LY86: variants seen among roughly 807,000 people sequenced by gnomAD.
LY86 encodes the protein MD-1, RP105-associated.
A neutral mutation model predicts 17.3 loss-of-function variants in LY86; 20 were observed. The ratio of observed to expected loss-of-function variants is 1.15; its 90% CI spans 0.81 to 1.68. The LOEUF (loss-of-function observed/expected upper bound fraction) is 1.68. LY86 is among the 40% of genes most tolerant of loss of function. The pLI, the probability that LY86 is intolerant of heterozygous loss-of-function variation, is 0.00. For synonymous variants in LY86, 74 were observed against 70.6 expected, an observed-to-expected ratio of 1.05 and a Z score of -0.24; for missense variants, 200 against 191.9, an observed-to-expected ratio of 1.04 and a Z score of -0.25.
At chr6:6,593,307 C>T (rs1221999961) in intron 1 of LY86, among the ~76,000 whole-genome samples, 1 of 152,230 alleles carries the variant, frequency 6.6e-6, no homozygotes, top group African/African-American at 2.4e-5. Flanking sequence ...CATGGCCTTC[C>T]TGTTCTGTTT....
intron 1 of LY86, among the ~76,000 whole-genome samples, chr6:6,611,921 T>C (rs1761350979): frequency 6.6e-6 from 1 of 152,348 alleles, no homozygotes; most frequent in African/African-American, 2.4e-5. Context: ...TGCTGTGTTC[T>C]GCCAGCTGCT....
intron 1 of LY86, among the ~76,000 whole-genome samples, chr6:6,599,634 G>T (rs1015825848): frequency 2.6e-5 from 4 of 152,242 alleles, no homozygotes; most frequent in African/African-American, 9.6e-5. Flanking sequence ...CTGGTGCTCT[G>T]CAGGCACAAA....
chr6:6,630,603 G>A (rs570854589), intron 3 of LY86, among the ~76,000 whole-genome samples: 4 of 152,336 alleles, frequency 2.6e-5, no homozygotes, highest in Admixed American at 2.6e-4. Flanking sequence ...CTAGCCCAAA[G>A]GAGGGAAGCT....
At chr6:6,640,414 A>AAAAAT (rs1762023192) in intron 3 of LY86, among the ~76,000 whole-genome samples, 17 of 151,924 alleles carry the variant, frequency 1.1e-4, no homozygotes, top group Admixed American at 9.8e-4. Context: ...AAAATAAAAA[A>AAAAAT]AAAAGGCAGG....
intron 1 of LY86, among the ~76,000 whole-genome samples, chr6:6,612,483 A>G (rs1041403531): frequency 1.3e-5 from 2 of 151,858 alleles, no homozygotes; most frequent in Non-Finnish European, 2.9e-5. Context: ...GCAGACCCAA[A>G]GTGTAAACAA....
At chr6:6,618,386 T>A (rs1446751121) in intron 1 of LY86, among the ~76,000 whole-genome samples, 1 of 152,112 alleles carries the variant, frequency 6.6e-6, no homozygotes, top group East Asian at 1.9e-4. Flanking sequence ...CATGCAAGAT[T>A]CCTACTCCTT....
chr6:6,612,226 A>G (rs1761374463), intron 1 of LY86, among the ~76,000 whole-genome samples: 1 of 152,202 alleles, frequency 6.6e-6, no homozygotes, highest in Non-Finnish European at 1.5e-5. Context: ...TAAGTTCTTC[A>G]AGAGGGCGTG....
chr6:6,626,033 G>A (rs1450874799), intron 2 of LY86, among the ~76,000 whole-genome samples: 2 of 152,168 alleles, frequency 1.3e-5, no homozygotes, highest in South Asian at 2.1e-4. Flanking sequence ...GCATCAGGGT[G>A]GGGAGCTCAG....
intron 1 of LY86, chr6:6,621,371 G>A (rs1019086246): frequency 6.6e-6 from 1 of 152,202 alleles, no homozygotes; most frequent in African/African-American, 2.4e-5. Context: ...CAGCCTGTCC[G>A]TCACTGTTCA....
At chr6:6,614,744 G>GAAA (rs11412069) in intron 1 of LY86, among the ~76,000 whole-genome samples, 11 of 150,014 alleles carry the variant, frequency 7.3e-5, no homozygotes, top group African/African-American at 2.0e-4. Flanking sequence ...AAATGAAACA[G>GAAA]AAAAAAAAAA....
intron 2 of LY86, 67 bp from the exon 3 acceptor site, chr6:6,626,226 C>G (rs1761784746): frequency 4.6e-6 from 7 of 1,530,146 alleles, no homozygotes; most frequent in Non-Finnish European, 6.3e-6. Flanking sequence ...CTGCTGTATA[C>G]TGTGAATGCC....
At chr6:6,638,154 G>A (rs951049005) in intron 3 of LY86, among the ~76,000 whole-genome samples, 2 of 152,130 alleles carry the variant, frequency 1.3e-5, no homozygotes, top group Non-Finnish European at 2.9e-5. Flanking sequence ...TAAGTACTAG[G>A]AGCATGGCCA....
At chr6:6,641,309 G>A (rs1209276822) in intron 3 of LY86, among the ~76,000 whole-genome samples, 1 of 152,184 alleles carries the variant, frequency 6.6e-6, no homozygotes, top group Non-Finnish European at 1.5e-5. Context: ...TTCTACTTAT[G>A]CACTATTGGA....
intron 1 of LY86, among the ~76,000 whole-genome samples, chr6:6,621,867 A>G (rs1305164207): frequency 6.6e-6 from 1 of 152,234 alleles, no homozygotes; most frequent in Non-Finnish European, 1.5e-5. Context: ...TGACAGAGGT[A>G]TACAAACAAA....
At chr6:6,636,234 T>C (rs1423465057) in intron 3 of LY86, among the ~76,000 whole-genome samples, 2 of 152,246 alleles carry the variant, frequency 1.3e-5, no homozygotes, top group African/African-American at 4.8e-5. Context: ...GCTGAATCTT[T>C]ACTGCCACTT....
chr6:6,615,915 AGG>A (rs1561785265), intron 1 of LY86, among the ~76,000 whole-genome samples: 1 of 152,138 alleles, frequency 6.6e-6, no homozygotes, highest in Non-Finnish European at 1.5e-5. Context: ...TTTTAAACCT[AGG>A]GTGTTCTTAC....
At chr6:6,591,228 C>G (rs1443975716) in intron 1 of LY86, 1 of 153,792 alleles carries the variant, frequency 6.5e-6, no homozygotes, top group Non-Finnish European at 1.5e-5. Flanking sequence ...AGGGAAAGAA[C>G]AAGGACACAT....
Position 6,600,624 on chromosome 6 carries a change from A to T in LY86, c.136+11754A>T, listed in dbSNP as rs9392813. Reference sequence around the variant, plus strand: ...AAAAAAAAAAAAAAAAAAAAAAAAAAAAAAGAAAATATAGCAGGTCACTTG... The same window carrying T: ...AAAAAAAAAAAAAAAAAAAAAAAAATAAAAGAAAATATAGCAGGTCACTTG... On this transcript the variant is annotated intron_variant, in intron 1 of 4. Transcript: ENST00000230568. Among the ~76,000 whole-genome samples, 100 of 116,646 alleles carry T rather than the reference A, an allele frequency of 8.6e-4. 2 individuals carry two copies. The highest frequency in any genetic ancestry group is 2.5e-3 in the African/African-American group (76 of 30,556). The allele number at this position is 116,646 out of a possible 152,430, so 76.5% of individuals were successfully genotyped here.
intron 1 of LY86, among the ~76,000 whole-genome samples, chr6:6,623,049 T>C (rs771542493): frequency 3.9e-5 from 6 of 152,224 alleles, no homozygotes; most frequent in Admixed American, 6.5e-5. Context: ...AGGTAAATCA[T>C]ACCTATCTCT....
Sources: gnomAD v4.1 joint callset for allele counts (sites outside exome capture counted in the v4.1 genomes callset) on GRCh38, gnomAD v4.1.1 for gene constraint, MANE v1.5 for transcripts, NCBI Gene and HGNC (gene_info 2026-07-23, HGNC 2026-07-21) for gene names.